Variants in MINPP1 observed in about 807,000 individuals in gnomAD.
The protein encoded by MINPP1 is multiple inositol polyphosphate phosphatase 1.
Under a neutral mutation model 46.1 loss-of-function variants are expected in MINPP1, and 28 were observed. That is an observed-to-expected ratio of 0.61 (90% CI 0.45 to 0.83). The LOEUF (loss-of-function observed/expected upper bound fraction) is 0.83. MINPP1 is among the 40% of genes least tolerant of loss of function. The pLI, the probability that MINPP1 is intolerant of heterozygous loss-of-function variation, is 0.00. For synonymous variants in MINPP1, 268 were observed against 249.1 expected (o/e 1.08, Z -0.72); for missense variants, 603 against 610.0 (o/e 0.99, Z 0.12).
At chr10:87,532,562 G>C (rs1039791372) in intron 4 of MINPP1, among the ~76,000 whole-genome samples, 2 of 152,222 alleles carry the variant, frequency 1.3e-5, no homozygotes, top group Non-Finnish European at 2.9e-5. Context: ...CTGGCAGATG[G>C]TTTCCTGGGA....
chr10:87,505,447 C>T lies in MINPP1; in HGVS notation c.532C>T (p.Arg178Trp), dbSNP rs757010654. Residue 178 changes from arginine to tryptophan, a missense_variant, in exon 1 of 5, where the codon CGG (arginine) becomes TGG (tryptophan). Arg to Trp is a moderately radical substitution (Grantham distance 101, BLOSUM62 -3). Around this residue, in one of 3 missense-constraint regions of MINPP1, gnomAD observed 344 missense variants for 381.1 expected, o/e 0.90. Coordinates refer to ENST00000371996, the MANE Select transcript of MINPP1 (RefSeq NM_004897.5). This position sits in a 1 kb window ranked among gnomAD's most constrained non-coding sequence, Gnocchi z 4.4. ...LFSRENYGRLRLITSSKHRCM... is the reference protein window; with the variant it reads ...LFSRENYGRLWLITSSKHRCM... ...CAGCCGTGAGAACTACGGCCGCCTG[C>T]GGCTCATCACCAGTTCCAAGCACCG... is the stretch of plus-strand genomic sequence containing the variant. 6.2e-7 allele frequency: 1 copy of T among 1,613,326 alleles called. No homozygotes were observed. Among genetic ancestry groups the T allele is most frequent in the Non-Finnish European group, 8.5e-7 (1 of 1,179,572 alleles).
chr10:87,532,374 A>G (rs1183409254), intron 4 of MINPP1, among the ~76,000 whole-genome samples: 1 of 152,258 alleles, frequency 6.6e-6, no homozygotes, highest in Non-Finnish European at 1.5e-5. Context: ...AAATAAAAAC[A>G]TTTTATAAAA....
At chr10:87,543,424 G>A (rs564394603) in intron 4 of MINPP1, among the ~76,000 whole-genome samples, 1 of 152,242 alleles carries the variant, frequency 6.6e-6, no homozygotes, top group African/African-American at 2.4e-5. Context: ...GGAGGTCAAG[G>A]AAGGAGGATC....
intron 4 of MINPP1, among the ~76,000 whole-genome samples, chr10:87,537,880 C>G (rs1272936607): frequency 1.3e-5 from 2 of 152,012 alleles, no homozygotes; most frequent in Non-Finnish European, 2.9e-5. Flanking sequence ...GGCAATCCTC[C>G]CACCTCAGCT....
intron 4 of MINPP1, among the ~76,000 whole-genome samples, chr10:87,537,925 A>G (rs1851760906): frequency 6.6e-6 from 1 of 151,862 alleles, no homozygotes; most frequent in East Asian, 1.9e-4. Flanking sequence ...ATATACCACC[A>G]TGCCTGGCTA....
chr10:87,538,867 C>T (rs529228074), intron 4 of MINPP1, among the ~76,000 whole-genome samples: 42 of 152,268 alleles, frequency 2.8e-4, no homozygotes, highest in African/African-American at 1.0e-3. Flanking sequence ...AAAGATCTAG[C>T]TGAGTACATT....
chr10:87,544,979 T>TTA (rs1229211207), intron 4 of MINPP1, among the ~76,000 whole-genome samples: 1 of 152,210 alleles, frequency 6.6e-6, no homozygotes, highest in Non-Finnish European at 1.5e-5. Flanking sequence ...TGTTGCAACT[T>TTA]ATTTAAGAGT....
chr10:87,508,174 A>C, intron 1 of MINPP1, 162 bp from the exon 2 acceptor site: 1 of 1,544,254 alleles, frequency 6.5e-7, no homozygotes, highest in Non-Finnish European at 8.7e-7. Flanking sequence ...TAAATGGGGA[A>C]TAATTTTACC....
chr10:87,533,656 A>C (rs549605202), intron 4 of MINPP1, among the ~76,000 whole-genome samples: 5 of 152,198 alleles, frequency 3.3e-5, no homozygotes, highest in Admixed American at 3.3e-4. Flanking sequence ...GTTAATTACT[A>C]TAAAATATTT....
At chr10:87,520,436 T>C (rs1007567536) in intron 3 of MINPP1, among the ~76,000 whole-genome samples, 1 of 152,160 alleles carries the variant, frequency 6.6e-6, no homozygotes, top group African/African-American at 2.4e-5. Context: ...AGAATGTCTA[T>C]ACCAATATAC....
At chr10:87,518,133 G>C (rs1185260693) in intron 3 of MINPP1, among the ~76,000 whole-genome samples, 1 of 151,474 alleles carries the variant, frequency 6.6e-6, no homozygotes, top group Non-Finnish European at 1.5e-5. Context: ...CTAATTTTTT[G>C]TGTTTTTAGT....
Position 87,552,168 on chromosome 10 carries a change from A to G in MINPP1, c.1154A>G (p.Lys385Arg). The change falls in exon 5 of 5, where the codon AAA becomes AGA. Residue 385 changes from lysine (K) to arginine (R), a missense_variant. By Grantham distance (26) the Lys-to-Arg change is conservative. Transcript: ENST00000371996. The stretch of plus-strand genomic sequence containing the variant: ...CTGCTTTCTCTCATGGGCTACTTCA[A>G]AGACAAGGAACCCCTAACAGCGTAC... ...LPLLSLMGYF[K>R]DKEPLTAYNY... The G allele has an allele frequency of 6.2e-7, 1 of 1,613,728 alleles. No homozygotes were observed. Among genetic ancestry groups the G allele is most frequent in the South Asian group, 1.1e-5 (1 of 91,066 alleles).
Position 87,513,186 on chromosome 10 carries a change from C to T in MINPP1, c.898C>T (p.Pro300Ser), listed in dbSNP as rs778439139. The change falls in exon 3 of 5, where the codon CCT (proline) becomes TCT (serine). Residue 300 changes from proline to serine, a missense_variant. Physicochemically the swap from Pro to Ser is moderately conservative, Grantham distance 74. This residue lies in a region of MINPP1 where 344 missense variants were observed against 381.1 expected (regional missense o/e 0.90). Coordinates refer to ENST00000371996, the MANE Select transcript of MINPP1 (RefSeq NM_004897.5). ...CCTGGCAATTAAAGGTGTTAAATCT[C>T]CTTGGTGTGATGTTTTTGACATAGA... is the stretch of plus-strand genomic sequence containing the variant. ...FDLAIKGVKS[P>S]WCDVFDIDDA... is the part of the protein sequence containing the mutation. 1 of 1,613,502 alleles carries T rather than the reference C, an allele frequency of 6.2e-7. No homozygotes were observed.
intron 4 of MINPP1, among the ~76,000 whole-genome samples, chr10:87,530,907 C>T (rs1448502905): frequency 6.6e-6 from 1 of 152,176 alleles, no homozygotes; most frequent in Admixed American, 6.5e-5. Flanking sequence ...CAATGGTGGA[C>T]GCCCTTCCCC....
intron 3 of MINPP1, among the ~76,000 whole-genome samples, chr10:87,520,653 T>A (rs1490005718): frequency 6.6e-6 from 1 of 151,878 alleles, no homozygotes. Flanking sequence ...AAATGTATCC[T>A]TGACATTTAG....
intron 4 of MINPP1, among the ~76,000 whole-genome samples, chr10:87,524,841 G>A (rs1235483901): frequency 2.6e-5 from 4 of 151,936 alleles, no homozygotes; most frequent in Admixed American, 6.6e-5. Context: ...GGGGTTCATG[G>A]CACCCCAAAA....
intron 4 of MINPP1, among the ~76,000 whole-genome samples, chr10:87,550,738 C>A (rs1247762827): frequency 6.6e-6 from 1 of 151,850 alleles, no homozygotes; most frequent in Non-Finnish European, 1.5e-5. Context: ...CCCCTCCCCC[C>A]ACTTTCATCT....
rs562841624 is a variant in MINPP1, at chr10:87,504,924, C to G, written c.9C>G (p.Arg3=). The change falls in exon 1 of 5, where the codon CGC becomes CGG. Residue 3 remains arginine, a synonymous_variant. Transcript: ENST00000371996. The part of the protein sequence containing the change: ML[R]APGCLLRTSV... ...CACTGACCGTCCCGACGATGCTACG[C>G]GCGCCCGGCTGCCTCCTCCGGACCT... The G allele has an allele frequency of 1.9e-6, 3 of 1,610,580 alleles. No homozygotes were observed. Among genetic ancestry groups the G allele is most frequent in the Non-Finnish European group, 2.5e-6 (3 of 1,179,166 alleles).
In MINPP1 at chr10:87,552,115, G is replaced by A. The variant is rs773037140; in HGVS notation, c.1101G>A (p.Gln367=). The A allele has an allele frequency of 1.2e-6, 2 of 1,613,316 alleles. No individual in the cohort carries two copies. Among genetic ancestry groups the A allele is most frequent in the Non-Finnish European group, 1.7e-6 (2 of 1,179,590 alleles). The change falls in exon 5 of 5, where the codon CAG becomes CAA. Residue 367 remains glutamine, a synonymous_variant. Coordinates refer to ENST00000371996, the MANE Select transcript of MINPP1 (RefSeq NM_004897.5). Reference sequence around the variant, plus strand: ...CAATTTCTTCTCCAGTCATCCTCCAGTTTGGTCATGCAGAGACTCTTCTTC... The same window carrying A: ...CAATTTCTTCTCCAGTCATCCTCCAATTTGGTCATGCAGAGACTCTTCTTC... ...SQPISSPVIL[Q]FGHAETLLPL... is the part of the protein sequence containing the mutation.
Sources: gnomAD v4.1 joint callset for allele counts (sites outside exome capture counted in the v4.1 genomes callset) on GRCh38, gnomAD v4.1.1 for gene constraint, gnomAD v4.1.1 regional missense constraint, Gnocchi (gnomAD v3.1) non-coding constraint, MANE v1.5 for transcripts, NCBI Gene and HGNC (gene_info 2026-07-23, HGNC 2026-07-21) for gene names.